RGS5: variants seen among roughly 807,000 people sequenced by gnomAD.
The protein encoded by RGS5 is regulator of G-protein signalling 5.
RGS5 carries 20 observed loss-of-function variants against 18.9 expected under a neutral mutation model. The observed-to-expected ratio is 1.06, with a 90% confidence interval of 0.74 to 1.54. RGS5 has a LOEUF of 1.54. RGS5 is among the 40% of genes most tolerant of loss of function. RGS5 has a pLI of 0.00. For missense variants in RGS5, 201 were observed against 211.8 expected, an observed-to-expected ratio of 0.95 and a Z score of 0.32; for synonymous variants, 57 against 76.2, an observed-to-expected ratio of 0.75 and a Z score of 1.31.
In RGS5 at chr1:163,146,316, T is replaced by C. The variant is rs1027894125; in HGVS notation, c.*1026A>G. 1.3e-5 allele frequency: 2 copies of C among 151,850 alleles called. No individual in the cohort carries two copies. Among genetic ancestry groups the C allele is most frequent in the African/African-American group, 4.8e-5 (2 of 41,344 alleles). The allele number at this position is 151,850 out of a possible 1,614,324, so 9.4% of individuals were successfully genotyped here. On this transcript the variant is annotated 3_prime_UTR_variant, in exon 5 of 5. Transcript: ENST00000313961. ...TAGAAGGCCTCTACCTGTAATCACATTAATTTTTCTAAAGACAATTTGGTG... is the reference window on the plus strand; with the variant it reads ...TAGAAGGCCTCTACCTGTAATCACACTAATTTTTCTAAAGACAATTTGGTG...
intron 1 of RGS5, among the ~76,000 whole-genome samples, chr1:163,180,228 G>A (rs1441378396): frequency 1.3e-5 from 2 of 152,012 alleles, no homozygotes; most frequent in Non-Finnish European, 2.9e-5. Flanking sequence ...CACCCGCCTC[G>A]GCCTCCTCAA....
Position 163,197,790 on chromosome 1 carries a change from C to T in RGS5, c.44+5002G>A, listed in dbSNP as rs1458065158. ...GAAATTCATACTTATTCTCAGCAAGCATGATCCTAAACCCAACCAGAAGCT... is the reference window on the plus strand; with the variant it reads ...GAAATTCATACTTATTCTCAGCAAGTATGATCCTAAACCCAACCAGAAGCT... On this transcript the variant is annotated intron_variant, in intron 1 of 4. Coordinates refer to ENST00000313961, the MANE Select transcript of RGS5 (RefSeq NM_003617.4). 1.3e-5 allele frequency among the ~76,000 whole-genome samples: 2 copies of T among 152,130 alleles called. 1 individual carries two copies. Among genetic ancestry groups the T allele is most frequent in the South Asian group, 4.1e-4 (2 of 4,832 alleles).
intron 2 of RGS5, among the ~76,000 whole-genome samples, chr1:163,234,131 G>T (rs1411655118): frequency 6.6e-6 from 1 of 152,180 alleles, no homozygotes; most frequent in African/African-American, 2.4e-5. Flanking sequence ...GAATAGAAGG[G>T]ATAAGATCAC....
Position 163,268,203 on chromosome 1 carries a change from C to A in RGS5, c.-281+38030G>T, listed in dbSNP as rs76740238. 7.6e-3 allele frequency among the ~76,000 whole-genome samples: 1,154 copies of A among 152,168 alleles called. 18 individuals carry two copies. The highest frequency in any genetic ancestry group is 0.026 in the African/African-American group (1,074 of 41,530). On this transcript the variant is annotated intron_variant, in intron 2 of 5. Transcript: ENST00000618415. ...TTAAAATACACAGTTGTTCCAGACA[C>A]AAACAATACCCTCCTTATTGGGACA... is the stretch of plus-strand genomic sequence containing the variant.
At position 163,153,920 on chromosome 1, in the gene RGS5, A is replaced by G. The variant is rs78206014; in HGVS notation, c.218-1204T>C. 9.3e-3 allele frequency among the ~76,000 whole-genome samples: 1,420 copies of G among 152,214 alleles called. 16 individuals are homozygous for G. The highest frequency in any genetic ancestry group is 0.036 in the South Asian group (174 of 4,826). On this transcript the variant is annotated intron_variant, in intron 3 of 4. Coordinates refer to ENST00000313961, the MANE Select transcript of RGS5 (RefSeq NM_003617.4). ...ATTATCTAAGAAAAATAAAGATTTC[A>G]AACAGGAGGAGAGAGAAAAACTCTA... is the stretch of plus-strand genomic sequence containing the variant.
chr1:163,231,843 G>A (rs1202738537), intron 2 of RGS5, among the ~76,000 whole-genome samples: 2 of 151,734 alleles, frequency 1.3e-5, no homozygotes, highest in African/African-American at 4.8e-5. Context: ...GAAACAGCAG[G>A]CCTTCCACCT....
chr1:163,298,772 G>A (rs192672246), intron 2 of RGS5, among the ~76,000 whole-genome samples: 6 of 152,124 alleles, frequency 3.9e-5, no homozygotes, highest in Admixed American at 2.0e-4. Context: ...GCCACTTAAG[G>A]GAGTTCAGAG....
intron 2 of RGS5, among the ~76,000 whole-genome samples, chr1:163,235,589 G>T (rs1428060020): frequency 2.6e-5 from 4 of 151,994 alleles, no homozygotes; most frequent in Admixed American, 2.6e-4. Flanking sequence ...TCCCCATCTG[G>T]GTCTTTCTCG....
At chr1:163,180,964 T>C (rs546208828) in intron 1 of RGS5, among the ~76,000 whole-genome samples, 2 of 152,038 alleles carry the variant, frequency 1.3e-5, no homozygotes, top group Non-Finnish European at 2.9e-5. Flanking sequence ...AAAGTGCTGG[T>C]ATTACAGGCG....
intron 3 of RGS5, among the ~76,000 whole-genome samples, chr1:163,160,500 G>C (rs561579780): frequency 6.6e-6 from 1 of 152,052 alleles, no homozygotes; most frequent in South Asian, 2.1e-4. Flanking sequence ...ATGTGTCAGG[G>C]CAGGGTACTT....
At chr1:163,174,857 AGAAG>A (rs1317827692) in intron 1 of RGS5, among the ~76,000 whole-genome samples, 2 of 152,230 alleles carry the variant, frequency 1.3e-5, no homozygotes, top group Non-Finnish European at 2.9e-5. Context: ...AGGAACAGCG[AGAAG>A]GAAGAAGAGA....
chr1:163,309,177 T>C (rs901465198), intron 1 of RGS5, among the ~76,000 whole-genome samples: 1 of 152,124 alleles, frequency 6.6e-6, no homozygotes, highest in Non-Finnish European at 1.5e-5. Flanking sequence ...GTAGTGCCAC[T>C]GCACTCCCAC....
At chr1:163,305,379 C>T (rs17362578) in intron 2 of RGS5, 6,386 of 152,642 alleles carry the variant, frequency 0.042, 170 homozygotes, top group Middle Eastern at 0.081. Flanking sequence ...CTCTCCATCC[C>T]TGCTGCAATC....
At chr1:163,233,270 ATTACT>A (rs1323954362) in intron 2 of RGS5, among the ~76,000 whole-genome samples, 1 of 152,244 alleles carries the variant, frequency 6.6e-6, no homozygotes, top group African/African-American at 2.4e-5. Context: ...CATTGATGAC[ATTACT>A]TTGACCACCT....
intron 2 of RGS5, among the ~76,000 whole-genome samples, chr1:163,280,675 A>G (rs1051370301): frequency 6.6e-6 from 1 of 152,172 alleles, no homozygotes; most frequent in Non-Finnish European, 1.5e-5. Flanking sequence ...CATTGTTAAA[A>G]TGATCATACT....
At chr1:163,232,354 T>C (rs977245200) in intron 2 of RGS5, among the ~76,000 whole-genome samples, 6 of 152,326 alleles carry the variant, frequency 3.9e-5, no homozygotes, top group Non-Finnish European at 7.4e-5. Context: ...AAGCAAATAA[T>C]GTATATCTGA....
intron 1 of RGS5, among the ~76,000 whole-genome samples, chr1:163,180,344 T>A (rs889781338): frequency 2.0e-5 from 3 of 152,228 alleles, no homozygotes; most frequent in Admixed American, 6.5e-5. Context: ...CAGGTCTGAA[T>A]TACTGTAACA....
At chr1:163,308,801 C>G (rs1049356468) in intron 1 of RGS5, among the ~76,000 whole-genome samples, 1 of 152,124 alleles carries the variant, frequency 6.6e-6, no homozygotes, top group Non-Finnish European at 1.5e-5. Context: ...CAGTTCCACA[C>G]CACTGCAATA....
chr1:163,277,755 A>G (rs1308699758), intron 2 of RGS5, among the ~76,000 whole-genome samples: 2 of 152,202 alleles, frequency 1.3e-5, no homozygotes, highest in African/African-American at 4.8e-5. Context: ...AGAGGAACAC[A>G]AATAGATAAT....
Sources: allele counts gnomAD v4.1 joint callset (sites outside exome capture counted in the v4.1 genomes callset), GRCh38; gene constraint gnomAD v4.1.1; transcripts MANE v1.5; gene names NCBI Gene and HGNC (gene_info 2026-07-23, HGNC 2026-07-21).